DCLK2: variants seen among roughly 807,000 people sequenced by gnomAD.
DCLK2 encodes doublecortin like kinase 2.
A neutral mutation model predicts 78.4 loss-of-function variants in DCLK2; 31 were observed. The ratio of observed to expected loss-of-function variants is 0.40; its 90% CI spans 0.30 to 0.53. DCLK2 has a LOEUF of 0.53. Among genes scored for constraint, DCLK2 ranks in the 20% least tolerant of loss-of-function variants. The probability of loss-of-function intolerance (pLI) is 0.61; values close to 1 mark genes in which losing one functional copy is unlikely to be tolerated. For synonymous variants in DCLK2, 407 were observed against 374.9 expected (o/e 1.09, Z -0.99); for missense variants, 872 against 973.7 (o/e 0.90, Z 1.39).
chr4:150,174,183 G>A (rs560150748), intron 2 of DCLK2, among the ~76,000 whole-genome samples: 1 of 152,268 alleles, frequency 6.6e-6, no homozygotes, highest in East Asian at 1.9e-4. Flanking sequence ...CACAGAGCCA[G>A]TTTCTGGACA....
chr4:150,209,536 C>G (rs559975508), intron 5 of DCLK2, among the ~76,000 whole-genome samples: 2 of 152,188 alleles, frequency 1.3e-5, no homozygotes, highest in Non-Finnish European at 1.5e-5. Context: ...CTAAGGGTAA[C>G]CAGGATAAAA....
chr4:150,110,581 C>T (rs1406525213), intron 2 of DCLK2, among the ~76,000 whole-genome samples: 1 of 151,946 alleles, frequency 6.6e-6, no homozygotes, highest in Non-Finnish European at 1.5e-5. Context: ...GCGCCCGTCA[C>T]CTGAGTAGTG....
At chr4:150,192,524 T>C (rs1009341070) in intron 2 of DCLK2, among the ~76,000 whole-genome samples, 1 of 147,280 alleles carries the variant, frequency 6.8e-6, no homozygotes, top group Non-Finnish European at 1.5e-5. Flanking sequence ...CATATTTAGA[T>C]ATAGGGCATT....
chr4:150,098,860 T>A (rs914919465), intron 1 of DCLK2, among the ~76,000 whole-genome samples: 37 of 152,036 alleles, frequency 2.4e-4, no homozygotes, highest in African/African-American at 8.7e-4. Flanking sequence ...CACACCCGGC[T>A]AATTTTTATA....
At chr4:150,173,713 G>A (rs1483205950) in intron 2 of DCLK2, among the ~76,000 whole-genome samples, 1 of 152,118 alleles carries the variant, frequency 6.6e-6, no homozygotes, top group Non-Finnish European at 1.5e-5. Context: ...TCCTTGAACT[G>A]GGAAACTGAC....
intron 2 of DCLK2, among the ~76,000 whole-genome samples, chr4:150,168,495 T>G (rs1336835725): frequency 6.6e-6 from 1 of 152,238 alleles, no homozygotes; most frequent in Non-Finnish European, 1.5e-5. Flanking sequence ...AAAACTTGCC[T>G]TGGTCTCTCC....
intron 1 of DCLK2, among the ~76,000 whole-genome samples, chr4:150,085,963 A>G (rs996711808): frequency 6.6e-6 from 1 of 152,172 alleles, no homozygotes; most frequent in East Asian, 1.9e-4. Context: ...TTTTGGCTCT[A>G]TCTGGCTCCA....
intron 2 of DCLK2, among the ~76,000 whole-genome samples, chr4:150,140,566 A>G (rs1734043981): frequency 6.6e-6 from 1 of 152,216 alleles, no homozygotes; most frequent in Non-Finnish European, 1.5e-5. Flanking sequence ...TGCGGTATCC[A>G]TGAAGTGTGC....
chr4:150,112,602 A>G (rs1731768771), intron 2 of DCLK2, among the ~76,000 whole-genome samples: 1 of 152,004 alleles, frequency 6.6e-6, no homozygotes, highest in Non-Finnish European at 1.5e-5. Context: ...TGTTCCTTCT[A>G]TGCCTAGTTT....
At chr4:150,236,761 G>T (rs1245461637) in intron 10 of DCLK2, among the ~76,000 whole-genome samples, 1 of 152,178 alleles carries the variant, frequency 6.6e-6, no homozygotes, top group Non-Finnish European at 1.5e-5. Context: ...TCTGTGTCCA[G>T]CATTGGGGAG....
At chr4:150,091,357 A>G (rs1376071554) in intron 1 of DCLK2, among the ~76,000 whole-genome samples, 1 of 152,174 alleles carries the variant, frequency 6.6e-6, no homozygotes, top group South Asian at 2.1e-4. Context: ...GATTTTACTG[A>G]TGTTAGACCT....
At chr4:150,113,621 T>G (rs1278439824) in intron 2 of DCLK2, among the ~76,000 whole-genome samples, 1 of 152,086 alleles carries the variant, frequency 6.6e-6, no homozygotes, top group South Asian at 2.1e-4. Context: ...TCAAATTGAG[T>G]GTATTTGAAT....
intron 2 of DCLK2, among the ~76,000 whole-genome samples, chr4:150,146,499 A>C (rs1442113498): frequency 6.6e-6 from 1 of 152,174 alleles, no homozygotes; most frequent in East Asian, 1.9e-4. Flanking sequence ...ATTTTCTTAG[A>C]GAATTTATAA....
At chr4:150,224,253 C>T (rs1200175487) in intron 7 of DCLK2, among the ~76,000 whole-genome samples, 1 of 151,802 alleles carries the variant, frequency 6.6e-6, no homozygotes. Flanking sequence ...GTTTTTCCTT[C>T]CTGGGTCTGT....
chr4:150,217,737 T>C (rs1740831924), intron 5 of DCLK2, among the ~76,000 whole-genome samples: 1 of 152,238 alleles, frequency 6.6e-6, no homozygotes, highest in Admixed American at 6.5e-5. Context: ...TCAGCTGCAC[T>C]ATAATAAAAC....
chr4:150,198,910 A>AACCC, intron 4 of DCLK2: 2 of 237,278 alleles, frequency 8.4e-6, no homozygotes, highest in East Asian at 9.3e-5. Flanking sequence ...CCCTTTCAGC[A>AACCC]CCCCCCCCCC....
intron 2 of DCLK2, among the ~76,000 whole-genome samples, chr4:150,182,168 C>T (rs1000227662): frequency 1.3e-5 from 2 of 151,996 alleles, no homozygotes; most frequent in African/African-American, 4.8e-5. Context: ...CCACCTCTGC[C>T]TCTCAGTAGC....
intron 2 of DCLK2, among the ~76,000 whole-genome samples, chr4:150,176,884 C>G (rs1737130484): frequency 6.6e-6 from 1 of 152,228 alleles, no homozygotes; most frequent in African/African-American, 2.4e-5. Context: ...TGCTTACAGA[C>G]AACTTCCCTT....
chr4:150,183,888 A>T (rs934528592), intron 2 of DCLK2, among the ~76,000 whole-genome samples: 1 of 151,640 alleles, frequency 6.6e-6, no homozygotes, highest in Admixed American at 6.6e-5. Flanking sequence ...ATGAGCCACC[A>T]CACCTGGCTC....
Sources: allele counts gnomAD v4.1 joint callset (sites outside exome capture counted in the v4.1 genomes callset), GRCh38; gene constraint gnomAD v4.1.1; transcripts MANE v1.5; gene names NCBI Gene and HGNC (gene_info 2026-07-23, HGNC 2026-07-21).